Variants in RANBP2 observed in about 807,000 individuals in gnomAD.
RANBP2 encodes the protein RAN binding protein 2.
A neutral mutation model predicts 303.6 loss-of-function variants in RANBP2; 57 were observed. The observed-to-expected ratio is 0.19, with a 90% confidence interval of 0.15 to 0.23. RANBP2 has a LOEUF of 0.23. Ranked by LOEUF, RANBP2 falls within the 10% of genes least tolerant of loss-of-function variation. RANBP2 has a pLI of 1.00. For missense variants in RANBP2, 3,138 were observed against 3,780.8 expected (o/e 0.83, Z 4.46); for synonymous variants, 1,167 against 1,301.5 (o/e 0.90, Z 2.23).
the RANBP2 span, among the ~76,000 whole-genome samples, chr2:108,879,711 TG>T: frequency 6.6e-6 from 1 of 152,072 alleles, no homozygotes; most frequent in Admixed American, 6.6e-5. Context: ...AAAAAAGAAA[TG>T]GGGTTAGGGA....
chr2:109,729,942 A>T, the RANBP2 span, among the ~76,000 whole-genome samples: 1 of 152,218 alleles, frequency 6.6e-6, no homozygotes, highest in Non-Finnish European at 1.5e-5. Context: ...AGGAGAGAGC[A>T]TGTGAAGGAG....
chr2:108,840,724 G>A, the RANBP2 span, among the ~76,000 whole-genome samples: 1 of 151,930 alleles, frequency 6.6e-6, no homozygotes, highest in Non-Finnish European at 1.5e-5. Context: ...CATCTCTTTT[G>A]CTAGAAGTTT....
chr2:109,029,249 C>CT, the RANBP2 span, among the ~76,000 whole-genome samples: 1 of 152,220 alleles, frequency 6.6e-6, no homozygotes, highest in African/African-American at 2.4e-5. Context: ...TATGGAGTCC[C>CT]TCCCCATCCC....
In RANBP2 at chr2:108,764,981, G is replaced by A. The variant is rs115106428; in HGVS notation, c.4442G>A (p.Gly1481Glu). The change falls in exon 20 of 29, where the codon GGA becomes GAA. Residue 1481 changes from glycine (G) to glutamate (E), a missense_variant. Physicochemically the swap from Gly to Glu is moderately conservative, Grantham distance 98. This residue lies in a region of RANBP2 where 388 missense variants were observed against 328.5 expected (regional missense o/e 1.18). Coordinates refer to ENST00000283195, the MANE Select transcript of RANBP2 (RefSeq NM_006267.5). ...DFRSVFSTKE[G>E]QWDCSACLVQ... ...AGATCTGTTTTTTCTACAAAGGAAG[G>A]ACAGTGGGATTGCAGTGCATGTTTG... 2.5e-4 allele frequency: 399 copies of A among 1,614,084 alleles called. No homozygotes were observed. Among genetic ancestry groups the A allele is most frequent in the Non-Finnish European group, 3.2e-4 (379 of 1,179,986 alleles).
the RANBP2 span, chr2:109,568,072 A>G: frequency 1.0e-6 from 1 of 969,802 alleles, no homozygotes; most frequent in African/African-American, 1.7e-5. Flanking sequence ...CTGACAATGA[A>G]TTTCCCTAAA....
At chr2:108,932,242 G>T in the RANBP2 span, among the ~76,000 whole-genome samples, 1 of 152,100 alleles carries the variant, frequency 6.6e-6, no homozygotes, top group Admixed American at 6.5e-5. Flanking sequence ...AAATTAAGTT[G>T]GAGAGGCTGA....
the RANBP2 span, chr2:109,617,365 C>T: frequency 6.0e-6 from 1 of 166,972 alleles, no homozygotes; most frequent in Admixed American, 6.6e-5. Context: ...ATGAAAAATA[C>T]CATTCATTAA....
the RANBP2 span, among the ~76,000 whole-genome samples, chr2:108,910,071 G>A: frequency 6.6e-6 from 1 of 152,250 alleles, no homozygotes; most frequent in South Asian, 2.1e-4. Flanking sequence ...GTTGTTACCA[G>A]CATTACGGTG....
the RANBP2 span, among the ~76,000 whole-genome samples, chr2:109,575,452 G>A: frequency 6.6e-6 from 1 of 152,198 alleles, no homozygotes; most frequent in African/African-American, 2.4e-5. Flanking sequence ...ACAAAGGAAA[G>A]GCCAATTACA....
At chr2:109,577,293 G>A in the RANBP2 span, among the ~76,000 whole-genome samples, 1 of 152,140 alleles carries the variant, frequency 6.6e-6, no homozygotes, top group Non-Finnish European at 1.5e-5. Flanking sequence ...AATACCTCGT[G>A]TAGTTAAAAA....
At chr2:109,561,314 C>A in the RANBP2 span, among the ~76,000 whole-genome samples, 1 of 152,038 alleles carries the variant, frequency 6.6e-6, no homozygotes, top group African/African-American at 2.4e-5. Flanking sequence ...AAAGTCTTCC[C>A]GAATTTTCCA....
chr2:108,794,583 G>A, the RANBP2 span: 2 of 1,614,112 alleles, frequency 1.2e-6, no homozygotes, highest in Non-Finnish European at 1.7e-6. Context: ...CTCGGACTGA[G>A]TGTTGTAGTG....
chr2:109,466,999 A>G, the RANBP2 span, among the ~76,000 whole-genome samples: 1 of 152,228 alleles, frequency 6.6e-6, no homozygotes, highest in Non-Finnish European at 1.5e-5. Context: ...AAAGAGAGAA[A>G]GAGGCTGCAT....
At chr2:109,740,094 C>T in the RANBP2 span, among the ~76,000 whole-genome samples, 10 of 147,510 alleles carry the variant, frequency 6.8e-5, 1 homozygote, top group East Asian at 1.2e-3. Flanking sequence ...TCAAGCGATT[C>T]TCCTGCCTCA....
At chr2:109,684,650 C>T in the RANBP2 span, among the ~76,000 whole-genome samples, 2 of 151,352 alleles carry the variant, frequency 1.3e-5, no homozygotes, top group South Asian at 2.1e-4. Context: ...TCTCCTGCCT[C>T]AGCCTCCTGA....
chr2:109,402,697 G>A, the RANBP2 span, among the ~76,000 whole-genome samples: 3 of 152,214 alleles, frequency 2.0e-5, no homozygotes, highest in East Asian at 5.8e-4. Context: ...TGGAGACTGG[G>A]GCTGTAGGGG....
chr2:108,997,848 G>A, the RANBP2 span, among the ~76,000 whole-genome samples: 3 of 152,122 alleles, frequency 2.0e-5, no homozygotes, highest in Non-Finnish European at 2.9e-5. Context: ...CCGAGATCGC[G>A]CCACTGCACT....
chr2:108,813,797 C>A, the RANBP2 span, among the ~76,000 whole-genome samples: 3 of 152,142 alleles, frequency 2.0e-5, no homozygotes, highest in African/African-American at 4.8e-5. Flanking sequence ...CCTGGTCATT[C>A]TTTTCTGCCA....
At chr2:109,668,527 G>A in the RANBP2 span, among the ~76,000 whole-genome samples, 4 of 152,216 alleles carry the variant, frequency 2.6e-5, no homozygotes, top group African/African-American at 9.6e-5. Flanking sequence ...CTTGTGCGAT[G>A]CTGCTGAGGG....
Sources: gnomAD v4.1 joint callset for allele counts (sites outside exome capture counted in the v4.1 genomes callset) on GRCh38, gnomAD v4.1.1 for gene constraint, gnomAD v4.1.1 regional missense constraint, MANE v1.5 for transcripts, NCBI Gene and HGNC (gene_info 2026-07-23, HGNC 2026-07-21) for gene names.